Variants in SLC13A3 observed in about 807,000 individuals in gnomAD.
SLC13A3 encodes solute carrier family 13 member 3, also known as Na(+)/dicarboxylate cotransporter 3.
SLC13A3 carries 40 observed loss-of-function variants against 59.0 expected under a neutral mutation model. The observed-to-expected ratio is 0.68, with a 90% CI of 0.53 to 0.88. The LOEUF (loss-of-function observed/expected upper bound fraction) is 0.88, where lower values mean the gene tolerates loss of function less well. Ranked by LOEUF, SLC13A3 falls within the 40% of genes least tolerant of loss-of-function variation. SLC13A3 has a pLI of 0.00. For missense variants in SLC13A3, 699 were observed against 783.2 expected, an observed-to-expected ratio of 0.89 and a Z score of 1.28; for synonymous variants, 317 against 330.3, an observed-to-expected ratio of 0.96 and a Z score of 0.44.
At chr20:46,571,630 C>G (rs1355657652) in intron 10 of SLC13A3, among the ~76,000 whole-genome samples, 1 of 152,150 alleles carries the variant, frequency 6.6e-6, no homozygotes, top group Admixed American at 6.5e-5. Flanking sequence ...CAGACATGGT[C>G]TCTGCCTGCC....
intron 1 of SLC13A3, among the ~76,000 whole-genome samples, chr20:46,661,087 T>A (rs1003758477): frequency 1.3e-5 from 2 of 152,226 alleles, no homozygotes; most frequent in African/African-American, 2.4e-5. Context: ...CTCTGGGAAT[T>A]CCAGAATCTA....
intron 9 of SLC13A3, among the ~76,000 whole-genome samples, chr20:46,582,378 T>G (rs1600516238): frequency 1.3e-5 from 2 of 151,616 alleles, no homozygotes; most frequent in Admixed American, 1.3e-4. Context: ...TCCACCCGCC[T>G]CAGCCTCCCA....
At chr20:46,656,524 G>T (rs6063014) in intron 1 of SLC13A3, among the ~76,000 whole-genome samples, 2 of 132,192 alleles carry the variant, frequency 1.5e-5, no homozygotes, top group African/African-American at 2.7e-5. Flanking sequence ...TACTGTATAT[G>T]ATATATACTA....
chr20:46,599,282 C>T (rs1017710808), intron 4 of SLC13A3, among the ~76,000 whole-genome samples: 9 of 152,258 alleles, frequency 5.9e-5, no homozygotes, highest in Non-Finnish European at 1.3e-4. Flanking sequence ...GGATCAATGC[C>T]CAGCACTGCC....
chr20:46,573,045 T>C (rs2062044207), intron 10 of SLC13A3, among the ~76,000 whole-genome samples: 1 of 152,250 alleles, frequency 6.6e-6, no homozygotes, highest in African/African-American at 2.4e-5. Flanking sequence ...TTAACCTCTC[T>C]GTGTCTCACG....
chr20:46,613,537 G>A lies in SLC13A3; in HGVS notation c.300C>T (p.Ala100=). ...NFLFLSGLIM[A]SAIEEWNLHR... Reference sequence around the variant, plus strand: ...GCAGGTTCCACTCCTCAATGGCGCTGGCCATGATCAGCCCACTGAGGAAGA... The same window carrying A: ...GCAGGTTCCACTCCTCAATGGCGCTAGCCATGATCAGCCCACTGAGGAAGA... Residue 100 remains alanine, a synonymous_variant, in exon 2 of 13, where the codon GCC becomes GCT. Coordinates refer to ENST00000279027, the MANE Select transcript of SLC13A3 (RefSeq NM_022829.6). 1 of 1,614,026 alleles carries A rather than the reference G, an allele frequency of 6.2e-7. No homozygotes were observed. Among genetic ancestry groups the A allele is most frequent in the East Asian group, 2.2e-5 (1 of 44,868 alleles).
At chr20:46,574,640 G>C (rs2062057252) in intron 10 of SLC13A3, among the ~76,000 whole-genome samples, 1 of 152,098 alleles carries the variant, frequency 6.6e-6, no homozygotes, top group African/African-American at 2.4e-5. Context: ...ATATGAGAGT[G>C]GTTAAGAGCA....
At chr20:46,684,351 T>C (rs544277558) in intron 1 of SLC13A3, 2 of 152,342 alleles carry the variant, frequency 1.3e-5, no homozygotes, top group Admixed American at 1.3e-4. Flanking sequence ...GATAAAGACA[T>C]ACCCGAGACC....
intron 10 of SLC13A3, among the ~76,000 whole-genome samples, chr20:46,571,019 C>T (rs2062024298): frequency 6.6e-6 from 1 of 152,174 alleles, no homozygotes; most frequent in Admixed American, 6.5e-5. Flanking sequence ...AACTTACAAT[C>T]ATGGTGGAAG....
chr20:46,646,121 G>A (rs1235056044), intron 1 of SLC13A3, among the ~76,000 whole-genome samples: 1 of 152,182 alleles, frequency 6.6e-6, no homozygotes. Context: ...TGTCTGGCCA[G>A]AGAAGGTGCT....
chr20:46,684,442 G>C (rs1209624386), exon 1 of SLC13A3: 2 of 152,212 alleles, frequency 1.3e-5, no homozygotes, highest in Non-Finnish European at 2.9e-5. Flanking sequence ...AATCATGGCA[G>C]ATGGGGAAAC....
chr20:46,583,000 A>C, intron 9 of SLC13A3: 1 of 985,942 alleles, frequency 1.0e-6, no homozygotes, highest in Non-Finnish European at 1.2e-6. Flanking sequence ...CACTTCCTAT[A>C]CGGTTGAAAC....
intron 1 of SLC13A3, among the ~76,000 whole-genome samples, chr20:46,680,427 T>C (rs1286983851): frequency 6.6e-6 from 1 of 152,220 alleles, no homozygotes; most frequent in Non-Finnish European, 1.5e-5. Flanking sequence ...CTTATATGGA[T>C]GCTTGTGGTG....
chr20:46,636,187 C>T (rs887320598), intron 1 of SLC13A3, among the ~76,000 whole-genome samples: 1 of 152,178 alleles, frequency 6.6e-6, no homozygotes, highest in Non-Finnish European at 1.5e-5. Context: ...GGACTCACCC[C>T]GAATCCTTAC....
At chr20:46,601,000 G>C (rs1470409754) in intron 3 of SLC13A3, among the ~76,000 whole-genome samples, 18 of 152,064 alleles carry the variant, frequency 1.2e-4, no homozygotes. Context: ...CTGGGAAAAG[G>C]GTGCAAGGAA....
intron 7 of SLC13A3, among the ~76,000 whole-genome samples, chr20:46,588,638 A>G (rs1467940344): frequency 6.6e-6 from 1 of 152,102 alleles, no homozygotes; most frequent in Admixed American, 6.5e-5. Flanking sequence ...AGACCTGGAG[A>G]GAGGGTGGAT....
intron 1 of SLC13A3, among the ~76,000 whole-genome samples, chr20:46,630,932 G>T (rs1326634766): frequency 6.6e-6 from 1 of 152,178 alleles, no homozygotes; most frequent in African/African-American, 2.4e-5. Context: ...TGGAGAGATG[G>T]TTATTAATAT....
At chr20:46,617,857 A>G (rs1039721458) in intron 1 of SLC13A3, among the ~76,000 whole-genome samples, 2 of 152,118 alleles carry the variant, frequency 1.3e-5, no homozygotes, top group African/African-American at 4.8e-5. Context: ...TGCTTTTAAA[A>G]ATATACAATT....
chr20:46,610,505 C>T lies in SLC13A3; in HGVS notation c.482G>A (p.Ser161Asn). 1.2e-6 allele frequency: 2 copies of T among 1,614,130 alleles called. No individual in the cohort carries two copies. The highest frequency in any genetic ancestry group is 1.7e-6 in the Non-Finnish European group (2 of 1,180,034). The change falls in exon 3 of 13, where the codon AGT becomes AAT. Residue 161 changes from serine to asparagine, a missense_variant. By Grantham distance (46) the Ser-to-Asn change is conservative (BLOSUM62 1). Coordinates refer to ENST00000279027, the MANE Select transcript of SLC13A3 (RefSeq NM_022829.6). Reference sequence around the variant, plus strand: ...TCGAACCTCCTTCTGGCCAAAGAGACTTTTCAGGATGGCATTGGCAATGGG... The same window carrying T: ...TCGAACCTCCTTCTGGCCAAAGAGATTTTTCAGGATGGCATTGGCAATGGG... ...MLPIANAILK[S>N]LFGQKEVRKD...
Sources: gnomAD v4.1 joint callset for allele counts (sites outside exome capture counted in the v4.1 genomes callset) on GRCh38, gnomAD v4.1.1 for gene constraint, MANE v1.5 for transcripts, NCBI Gene and HGNC (gene_info 2026-07-23, HGNC 2026-07-21) for gene names.